GRID1: variants seen among roughly 807,000 people sequenced by gnomAD.
The protein encoded by GRID1 is glutamate receptor ionotropic, delta-1.
A neutral mutation model predicts 98.0 loss-of-function variants in GRID1; 28 were observed. The observed-to-expected ratio is 0.29, with a 90% confidence interval of 0.21 to 0.39. GRID1 has a LOEUF of 0.39. Among genes scored for constraint, GRID1 ranks in the 10% least tolerant of loss-of-function variants. The probability of loss-of-function intolerance (pLI) is 1.00; values close to 1 mark genes in which losing one functional copy is unlikely to be tolerated. For synonymous variants in GRID1, 553 were observed against 538.5 expected (o/e 1.03, Z -0.37); for missense variants, 1,111 against 1,340.5 (o/e 0.83, Z 2.67).
chr10:85,985,069 T>C (rs1380304833), intron 4 of GRID1, among the ~76,000 whole-genome samples: 1 of 152,124 alleles, frequency 6.6e-6, no homozygotes, highest in African/African-American at 2.4e-5. Context: ...TAGATGCCAG[T>C]AGCATCCCAA....
At chr10:86,131,164 A>C (rs1844830757) in intron 4 of GRID1, among the ~76,000 whole-genome samples, 1 of 152,008 alleles carries the variant, frequency 6.6e-6, no homozygotes, top group Admixed American at 6.6e-5. Flanking sequence ...TCTGCCTCTC[A>C]TGACCCGCCC....
chr10:85,724,819 A>G (rs113455042), intron 10 of GRID1, 143 bp from the exon 11 acceptor site: 99 of 612,200 alleles, frequency 1.6e-4, no homozygotes, highest in African/African-American at 1.3e-3. Context: ...GAGTCTGAAT[A>G]TTATAAGGAA....
At chr10:85,753,030 C>T (rs1842062641) in intron 8 of GRID1, among the ~76,000 whole-genome samples, 1 of 152,290 alleles carries the variant, frequency 6.6e-6, no homozygotes, top group Non-Finnish European at 1.5e-5. Context: ...CACTTCAGTG[C>T]TGCTGAGAGT....
rs567272610 is a variant in GRID1 at position 85,792,143 on chromosome 10, G to A, written c.1233+62353C>T. Among the ~76,000 whole-genome samples the A allele has an allele frequency of 2.0e-3, 308 of 151,592 alleles. 2 individuals are homozygous for A. Among genetic ancestry groups the A allele is most frequent in the African/African-American group, 6.1e-3 (251 of 41,286 alleles). ...CCAAATCCTCCTGCCACAGGCCTGG[G>A]ACCTCAGCCTCCCTGAAACCATCAT... is the stretch of plus-strand genomic sequence containing the variant. On this transcript the variant is annotated intron_variant, in intron 8 of 15. Transcript: ENST00000327946.
At chr10:85,865,877 C>G (rs1470463379) in intron 6 of GRID1, among the ~76,000 whole-genome samples, 1 of 132,692 alleles carries the variant, frequency 7.5e-6, no homozygotes, top group East Asian at 2.2e-4. Context: ...CAAATGGAGA[C>G]AGAGATTCCT....
chr10:86,105,815 G>C (rs774154684), intron 4 of GRID1, among the ~76,000 whole-genome samples: 12 of 152,280 alleles, frequency 7.9e-5, no homozygotes, highest in Non-Finnish European at 1.5e-4. Flanking sequence ...GGAAAAGCAC[G>C]GGCACTGTGC....
At chr10:86,274,437 A>G (rs548610787) in intron 2 of GRID1, among the ~76,000 whole-genome samples, 1 of 152,308 alleles carries the variant, frequency 6.6e-6, no homozygotes, top group South Asian at 2.1e-4. Context: ...GTTTTTTCCA[A>G]TACTGTGAAG....
intron 2 of GRID1, among the ~76,000 whole-genome samples, chr10:86,360,938 C>T (rs1487861980): frequency 6.6e-6 from 1 of 152,252 alleles, no homozygotes; most frequent in Admixed American, 6.5e-5. Flanking sequence ...TGAGAGGTCA[C>T]TGTGGGCTTG....
At chr10:85,892,915 T>G (rs910101569) in intron 5 of GRID1, among the ~76,000 whole-genome samples, 1 of 152,062 alleles carries the variant, frequency 6.6e-6, no homozygotes, top group Non-Finnish European at 1.5e-5. Flanking sequence ...GATAAGAAAC[T>G]GAAGCCAATT....
chr10:85,858,270 G>A (rs1320185391), intron 6 of GRID1, among the ~76,000 whole-genome samples: 1 of 152,186 alleles, frequency 6.6e-6, no homozygotes, highest in African/African-American at 2.4e-5. Flanking sequence ...GTGTGCTAAA[G>A]CAAGAGCCTT....
intron 2 of GRID1, among the ~76,000 whole-genome samples, chr10:86,209,733 T>C (rs1025303787): frequency 6.6e-6 from 1 of 152,196 alleles, no homozygotes; most frequent in Admixed American, 6.5e-5. Context: ...ACTCCAATGC[T>C]CAATTGTGGA....
At chr10:85,986,213 T>C (rs1209977133) in intron 4 of GRID1, among the ~76,000 whole-genome samples, 2 of 152,236 alleles carry the variant, frequency 1.3e-5, no homozygotes, top group African/African-American at 4.8e-5. Context: ...CAGTCTCCCA[T>C]ATTTGAAGCA....
chr10:85,965,965 TC>T (rs1177185033), intron 4 of GRID1, among the ~76,000 whole-genome samples: 1 of 152,032 alleles, frequency 6.6e-6, no homozygotes, highest in Non-Finnish European at 1.5e-5. Flanking sequence ...AAACCAGCAA[TC>T]ACTCAACCCA....
intron 2 of GRID1, among the ~76,000 whole-genome samples, chr10:86,332,618 C>T (rs1848161976): frequency 1.3e-5 from 2 of 152,114 alleles, no homozygotes; most frequent in South Asian, 4.1e-4. Context: ...GTCCCAGGCC[C>T]CTGCCTCATC....
At chr10:85,771,139 C>T (rs977397850) in intron 8 of GRID1, among the ~76,000 whole-genome samples, 11 of 152,210 alleles carry the variant, frequency 7.2e-5, no homozygotes, top group African/African-American at 2.7e-4. Context: ...AGAAACTCTA[C>T]AAGCCAGAAG....
chr10:85,781,789 G>T (rs575133358), intron 8 of GRID1, among the ~76,000 whole-genome samples: 1 of 149,336 alleles, frequency 6.7e-6, no homozygotes, highest in South Asian at 2.1e-4. Flanking sequence ...AAGAAAGAGA[G>T]ATATATTGTA....
intron 4 of GRID1, among the ~76,000 whole-genome samples, chr10:85,951,450 C>T (rs1018333130): frequency 7.9e-5 from 12 of 152,116 alleles, no homozygotes; most frequent in African/African-American, 9.7e-5. Flanking sequence ...AGGTGGGAGA[C>T]GTTTAATTGG....
chr10:86,086,237 T>A (rs1194315277), intron 4 of GRID1, among the ~76,000 whole-genome samples: 1 of 152,232 alleles, frequency 6.6e-6, no homozygotes, highest in Admixed American at 6.5e-5. Flanking sequence ...TTTATTCATT[T>A]ACTGTCTCTC....
chr10:86,214,369 G>T (rs567955477), intron 2 of GRID1, among the ~76,000 whole-genome samples: 1 of 152,232 alleles, frequency 6.6e-6, no homozygotes, highest in African/African-American at 2.4e-5. Context: ...TCCTTCTCCT[G>T]TGTGCTGGGT....
Sources: gnomAD v4.1 joint callset for allele counts (sites outside exome capture counted in the v4.1 genomes callset) on GRCh38, gnomAD v4.1.1 for gene constraint, MANE v1.5 for transcripts, NCBI Gene and HGNC (gene_info 2026-07-23, HGNC 2026-07-21) for gene names.